The following EXOC6B variants were observed in gnomAD, a reference collection of about 807,000 sequenced individuals.
EXOC6B encodes the protein exocyst complex component 6B.
In EXOC6B, 54 loss-of-function variants were observed where a neutral mutation model predicts 113.5. The observed-to-expected ratio is 0.48, with a 90% CI of 0.38 to 0.60. The LOEUF (loss-of-function observed/expected upper bound fraction) is 0.60, where lower values mean the gene tolerates loss of function less well. Ranked by LOEUF, EXOC6B falls within the 20% of genes least tolerant of loss-of-function variation. The pLI is 0.00. For synonymous variants in EXOC6B, 357 were observed against 339.0 expected, an observed-to-expected ratio of 1.05 and a Z score of -0.58; for missense variants, 797 against 977.5, an observed-to-expected ratio of 0.82 and a Z score of 2.46.
intron 18 of EXOC6B, among the ~76,000 whole-genome samples, chr2:72,453,282 A>G (rs1697016726): frequency 1.3e-5 from 2 of 152,180 alleles, no homozygotes; most frequent in Admixed American, 6.5e-5. Flanking sequence ...AAAAGAATCT[A>G]AAAATGTGGA....
chr2:72,813,324 A>G (rs1686026595), intron 1 of EXOC6B, among the ~76,000 whole-genome samples: 1 of 152,178 alleles, frequency 6.6e-6, no homozygotes, highest in Admixed American at 6.5e-5. Flanking sequence ...CCTGGGCTCA[A>G]GTGATCCTCC....
intron 20 of EXOC6B, among the ~76,000 whole-genome samples, chr2:72,294,022 G>A (rs531509087): frequency 1.3e-5 from 2 of 151,400 alleles, no homozygotes; most frequent in Non-Finnish European, 2.9e-5. Flanking sequence ...TCAATAGGAT[G>A]TAAGGAAGAA....
intron 19 of EXOC6B, among the ~76,000 whole-genome samples, chr2:72,370,096 T>G (rs1690905778): frequency 6.6e-6 from 1 of 152,132 alleles, no homozygotes; most frequent in Non-Finnish European, 1.5e-5. Context: ...GGGAAACAAT[T>G]TTTGTAATCT....
intron 17 of EXOC6B, among the ~76,000 whole-genome samples, chr2:72,477,996 G>A (rs573740646): frequency 6.6e-6 from 1 of 151,802 alleles, no homozygotes; most frequent in Admixed American, 6.6e-5. Flanking sequence ...TTTTGTTCAT[G>A]CCTGAAACTT....
intron 8 of EXOC6B, among the ~76,000 whole-genome samples, chr2:72,552,200 A>G (rs1228445123): frequency 6.6e-6 from 1 of 152,252 alleles, no homozygotes; most frequent in Non-Finnish European, 1.5e-5. Flanking sequence ...TTTGAGGGAA[A>G]AAAATTCATT....
intron 21 of EXOC6B, 103 bp from the exon 22 acceptor site, chr2:72,179,564 G>A: frequency 1.5e-6 from 2 of 1,311,134 alleles, no homozygotes; most frequent in South Asian, 1.2e-5. Context: ...CCACTACCCA[G>A]AGTAATGAGA....
At chr2:72,501,017 C>A (rs1248282897) in intron 11 of EXOC6B, among the ~76,000 whole-genome samples, 2 of 152,194 alleles carry the variant, frequency 1.3e-5, no homozygotes, top group African/African-American at 4.8e-5. Context: ...TCTTCAACTT[C>A]ATTTCTATTT....
At chr2:72,701,487 T>A (rs1678342696) in intron 6 of EXOC6B, among the ~76,000 whole-genome samples, 1 of 152,142 alleles carries the variant, frequency 6.6e-6, no homozygotes, top group South Asian at 2.1e-4. Context: ...CAGGAAAATA[T>A]TAAAACTCTT....
At chr2:72,296,742 T>C (rs1248261292) in intron 20 of EXOC6B, among the ~76,000 whole-genome samples, 1 of 152,126 alleles carries the variant, frequency 6.6e-6, no homozygotes, top group Non-Finnish European at 1.5e-5. Flanking sequence ...CTAGGTGTAA[T>C]AGGATGAAAT....
intron 18 of EXOC6B, among the ~76,000 whole-genome samples, chr2:72,407,051 G>C (rs1161740809): frequency 1.3e-5 from 2 of 152,158 alleles, no homozygotes; most frequent in African/African-American, 4.8e-5. Context: ...CGATCCCACA[G>C]AAATACAAAC....
rs115024312 is a variant in EXOC6B, at chr2:72,269,776, T to G, written c.2196+65171A>C. 5.4e-3 allele frequency among the ~76,000 whole-genome samples: 817 copies of G among 152,300 alleles called. 7 individuals carry two copies. The highest frequency in any genetic ancestry group is 0.019 in the African/African-American group (793 of 41,568). On this transcript the variant is annotated intron_variant, in intron 20 of 21. Transcript: ENST00000272427. ...TCATCTATAAAATGGAAATGATAAT[T>G]TTTATATCACATGGTCTTTGGAGAA...
intron 1 of EXOC6B, among the ~76,000 whole-genome samples, chr2:72,768,388 T>A (rs555401959): frequency 1.3e-5 from 2 of 148,542 alleles, no homozygotes; most frequent in African/African-American, 5.0e-5. Context: ...GCCTACCGGG[T>A]TCAAGCCATT....
intron 5 of EXOC6B, among the ~76,000 whole-genome samples, chr2:72,730,635 T>G (rs988779989): frequency 6.6e-6 from 1 of 150,806 alleles, no homozygotes; most frequent in African/African-American, 2.4e-5. Flanking sequence ...ATTGGTTCTG[T>G]TTTTCTTAAG....
At chr2:72,751,177 C>T (rs1682015183) in intron 1 of EXOC6B, among the ~76,000 whole-genome samples, 2 of 152,006 alleles carry the variant, frequency 1.3e-5, no homozygotes, top group African/African-American at 4.8e-5. Context: ...CTCAGGAGGT[C>T]CTGATGACAT....
intron 20 of EXOC6B, among the ~76,000 whole-genome samples, chr2:72,303,789 TTGGTTCTTTTTCACCTCTGTG>T (rs1383065728): frequency 3.7e-4 from 56 of 152,326 alleles, no homozygotes; most frequent in African/African-American, 1.3e-3. Flanking sequence ...AGTTCTTGAA[TTGGTTCTTTTTCACCTCTGTG>T]TGTGGGTGTT....
intron 6 of EXOC6B, among the ~76,000 whole-genome samples, chr2:72,677,371 T>C (rs1277707953): frequency 6.6e-6 from 1 of 152,042 alleles, no homozygotes; most frequent in Non-Finnish European, 1.5e-5. Flanking sequence ...TCTTTATTTT[T>C]ATATTTAAAA....
intron 6 of EXOC6B, among the ~76,000 whole-genome samples, chr2:72,584,069 C>T (rs72846910): frequency 0.023 from 3,450 of 152,088 alleles, 62 homozygotes; most frequent in Non-Finnish European, 0.037. Flanking sequence ...ATACCTGCTA[C>T]CACAAAAGTA....
intron 18 of EXOC6B, among the ~76,000 whole-genome samples, chr2:72,416,283 T>C (rs1401928005): frequency 6.6e-6 from 1 of 152,180 alleles, no homozygotes; most frequent in Admixed American, 6.5e-5. Context: ...ATAATAATGC[T>C]CCTCAGAGGA....
intron 20 of EXOC6B, among the ~76,000 whole-genome samples, chr2:72,222,383 G>A (rs963269467): frequency 3.3e-5 from 5 of 152,188 alleles, no homozygotes; most frequent in African/African-American, 9.6e-5. Context: ...TAGACCACAA[G>A]AACAAGTATA....
Sources: gnomAD v4.1 joint callset for allele counts (sites outside exome capture counted in the v4.1 genomes callset) on GRCh38, gnomAD v4.1.1 for gene constraint, MANE v1.5 for transcripts, NCBI Gene and HGNC (gene_info 2026-07-23, HGNC 2026-07-21) for gene names.